SLC4A4: variants seen among roughly 807,000 people sequenced by gnomAD.
The protein encoded by SLC4A4 is electrogenic sodium bicarbonate cotransporter 1.
In SLC4A4, 27 loss-of-function variants were observed where a neutral mutation model predicts 111.5. The observed-to-expected ratio is 0.24, with a 90% CI of 0.18 to 0.33. SLC4A4 has a LOEUF of 0.33. Among genes scored for constraint, SLC4A4 ranks in the 10% least tolerant of loss-of-function variants. SLC4A4 has a pLI of 1.00. For missense variants in SLC4A4, 909 were observed against 1,315.5 expected (o/e 0.69, Z 4.78); for synonymous variants, 443 against 463.4 (o/e 0.96, Z 0.57).
chr4:71,123,448 T>C (rs1412718524), intron 2 of SLC4A4, among the ~76,000 whole-genome samples: 1 of 152,028 alleles, frequency 6.6e-6, no homozygotes, highest in Non-Finnish European at 1.5e-5. Context: ...ACCCCAAAAT[T>C]TGAAAAAAAT....
chr4:71,282,745 G>T (rs928105176), intron 3 of SLC4A4, among the ~76,000 whole-genome samples: 3 of 151,528 alleles, frequency 2.0e-5, no homozygotes, highest in Non-Finnish European at 4.4e-5. Context: ...ACCACATCTG[G>T]CTGATTTTTT....
At chr4:71,412,775 G>A (rs1301411584) in intron 7 of SLC4A4, among the ~76,000 whole-genome samples, 1 of 152,156 alleles carries the variant, frequency 6.6e-6, no homozygotes, top group East Asian at 1.9e-4. Flanking sequence ...TAACTCTTGA[G>A]TTGATGCTCC....
chr4:71,134,071 T>C (rs1448439785), intron 2 of SLC4A4, among the ~76,000 whole-genome samples: 1 of 152,116 alleles, frequency 6.6e-6, no homozygotes, highest in Non-Finnish European at 1.5e-5. Flanking sequence ...TATACATGAA[T>C]CATCTTACCC....
intron 2 of SLC4A4, among the ~76,000 whole-genome samples, chr4:71,126,322 T>C (rs1215469365): frequency 6.6e-6 from 1 of 152,200 alleles, no homozygotes; most frequent in East Asian, 1.9e-4. Flanking sequence ...GCCACATAAT[T>C]ATATAATCAA....
chr4:71,191,419 T>C (rs900203134), intron 1 of SLC4A4, among the ~76,000 whole-genome samples: 1 of 152,244 alleles, frequency 6.6e-6, no homozygotes, highest in Non-Finnish European at 1.5e-5. Flanking sequence ...GACAGAGAAC[T>C]CTGTATGCTT....
chr4:71,431,726 A>T (rs144977105), intron 7 of SLC4A4, among the ~76,000 whole-genome samples: 1 of 151,992 alleles, frequency 6.6e-6, no homozygotes, highest in Non-Finnish European at 1.5e-5. Context: ...ATATACTTCT[A>T]ATTTTTTAGT....
chr4:71,453,502 G>A lies in SLC4A4; in HGVS notation c.1330G>A (p.Gly444Ser). 2 of 1,613,768 alleles carry A rather than the reference G, an allele frequency of 1.2e-6. No individual in the cohort carries two copies. Among genetic ancestry groups the A allele is most frequent in the Non-Finnish European group, 1.7e-6 (2 of 1,179,788 alleles). The change falls in exon 12 of 26, where the codon GGT (glycine) becomes AGT (serine). Residue 444 changes from glycine (G) to serine (S), a missense_variant. By Grantham distance (56) the Gly-to-Ser change is moderately conservative. Transcript: ENST00000264485. Reference sequence around the variant, plus strand: ...TGCATTCTCTCTGCCCAGGTTCTGTGGTGGACTAATTAAAGACATAAAGAG... The same window carrying A: ...TGCATTCTCTCTGCCCAGGTTCTGTAGTGGACTAATTAAAGACATAAAGAG... ...EELQRTGRFC[G>S]GLIKDIKRKA...
intron 4 of SLC4A4, among the ~76,000 whole-genome samples, chr4:71,347,696 G>T (rs546889977): frequency 3.7e-4 from 56 of 151,688 alleles, no homozygotes; most frequent in Admixed American, 3.3e-4. Context: ...GTGAGGCTTA[G>T]TTTTTTTTTA....
At chr4:71,069,365 C>A (rs549010926) in intron 1 of SLC4A4, among the ~76,000 whole-genome samples, 54 of 151,988 alleles carry the variant, frequency 3.6e-4, no homozygotes, top group East Asian at 3.3e-3. Context: ...ACAAAAAAAA[C>A]CAAAAAACAG....
Position 71,376,156 on chromosome 4 carries a change from T to TATACACACACAC in SLC4A4, c.730+18970_730+18971insTACACACACACA, listed in dbSNP as rs1553900734. Among the ~76,000 whole-genome samples the TATACACACACAC allele has an allele frequency of 6.3e-4, 86 of 135,552 alleles. 1 individual carries two copies. The highest frequency in any genetic ancestry group is 1.2e-3 in the South Asian group (5 of 4,036). 88.9% of individuals were successfully genotyped at this position (135,552 alleles called of 152,430 possible). A position where few individuals can be genotyped will look rare whatever the true frequency, so the allele number is the denominator to read the frequency against. ...ACATACACATATATACCTGTATATA[T>TATACACACACAC]ACACACACACACACACACACACACA... On this transcript the variant is annotated intron_variant, in intron 6 of 25. Coordinates refer to ENST00000264485, the MANE Select transcript of SLC4A4 (RefSeq NM_001098484.3).
chr4:71,228,934 C>A (rs1443507393), intron 1 of SLC4A4, among the ~76,000 whole-genome samples: 1 of 152,170 alleles, frequency 6.6e-6, no homozygotes, highest in African/African-American at 2.4e-5. Context: ...TAATTTCTCT[C>A]TCTCTCTTCT....
chr4:71,222,023 A>G (rs1342668600), intron 1 of SLC4A4, among the ~76,000 whole-genome samples: 1 of 152,224 alleles, frequency 6.6e-6, no homozygotes, highest in Non-Finnish European at 1.5e-5. Flanking sequence ...AAATGTTTAT[A>G]TAATGACAGA....
intron 2 of SLC4A4, among the ~76,000 whole-genome samples, chr4:71,248,900 G>A (rs1720866681): frequency 1.3e-5 from 2 of 152,136 alleles, no homozygotes; most frequent in African/African-American, 4.8e-5. Flanking sequence ...AGATGCATAC[G>A]TTTGCTGAGC....
At chr4:71,442,336 A>G (rs1183289681) in intron 8 of SLC4A4, among the ~76,000 whole-genome samples, 1 of 152,172 alleles carries the variant, frequency 6.6e-6, no homozygotes, top group Non-Finnish European at 1.5e-5. Flanking sequence ...TTAAATTAGC[A>G]AAAGGAGCCA....
Position 71,090,193 on chromosome 4 carries a change from G to A in SLC4A4, c.-64-2537G>A, listed in dbSNP as rs529432658. Reference sequence around the variant, plus strand: ...GCTCCGTGGGTGTAGGACCCTCTGGGCCAGGTGTGGGATATAATCTCCTGG... The same window carrying A: ...GCTCCGTGGGTGTAGGACCCTCTGGACCAGGTGTGGGATATAATCTCCTGG... On this transcript the variant is annotated intron_variant, in intron 1 of 26. Transcript: ENST00000649996. Among the ~76,000 whole-genome samples, 157 of 151,166 alleles carry A rather than the reference G, an allele frequency of 1.0e-3. 1 individual carries two copies. Among genetic ancestry groups the A allele is most frequent in the African/African-American group, 3.7e-3 (150 of 40,464 alleles).
chr4:71,421,616 C>A (rs969692197), intron 7 of SLC4A4, among the ~76,000 whole-genome samples: 5 of 152,102 alleles, frequency 3.3e-5, no homozygotes, highest in Non-Finnish European at 7.3e-5. Context: ...TGTTAAAGAA[C>A]AGAAATTATA....
intron 16 of SLC4A4, among the ~76,000 whole-genome samples, chr4:71,526,952 T>C (rs1733474636): frequency 6.6e-6 from 1 of 152,114 alleles, no homozygotes; most frequent in Non-Finnish European, 1.5e-5. Context: ...CCTTCTTTCA[T>C]TTACAAGAAC....
At chr4:71,215,434 G>A (rs976266248) in intron 1 of SLC4A4, among the ~76,000 whole-genome samples, 5 of 152,186 alleles carry the variant, frequency 3.3e-5, no homozygotes, top group African/African-American at 1.2e-4. Context: ...TGATTCTTGA[G>A]GAGAAGGTGA....
Position 71,437,202 on chromosome 4 carries a change from A to T in SLC4A4, c.808-3414A>T, listed in dbSNP as rs577229417. The T allele has an allele frequency of 1.2e-5, 5 of 402,320 alleles. No individual in the cohort carries two copies. In the East Asian group the frequency reaches 2.5e-4, roughly 20 times the overall value. 24.9% of individuals were successfully genotyped at this position (402,320 alleles called of 1,614,324 possible). A position where few individuals can be genotyped will look rare whatever the true frequency, so the allele number is the denominator to read the frequency against. On this transcript the variant is annotated intron_variant, in intron 7 of 25. Transcript: ENST00000264485. ...TCCACACAGGAATACTTGAGTCCCT[A>T]TGCTGTCCAAGAATCCACCTATGAC...
Sources: allele counts gnomAD v4.1 joint callset (sites outside exome capture counted in the v4.1 genomes callset), GRCh38; gene constraint gnomAD v4.1.1; transcripts MANE v1.5; gene names NCBI Gene and HGNC (gene_info 2026-07-23, HGNC 2026-07-21).